Variants in PARD3B observed in about 807,000 individuals in gnomAD.
The protein encoded by PARD3B is par-3 family cell polarity regulator beta, also known as partitioning defective 3 homolog B.
Under a neutral mutation model 130.2 loss-of-function variants are expected in PARD3B, and 103 were observed. The ratio of observed to expected loss-of-function variants is 0.79; its 90% CI spans 0.67 to 0.93. PARD3B has a LOEUF of 0.93. Ranked by LOEUF, PARD3B falls within the 40% of genes least tolerant of loss-of-function variation. The pLI is 0.00. For missense variants in PARD3B, 1,609 were observed against 1,499.2 expected (o/e 1.07, Z -1.21); for synonymous variants, 583 against 553.2 (o/e 1.05, Z -0.76).
chr2:204,879,481 A>C (rs2045959935), intron 2 of PARD3B, among the ~76,000 whole-genome samples: 1 of 152,218 alleles, frequency 6.6e-6, no homozygotes, highest in Non-Finnish European at 1.5e-5. Context: ...TGTTGACACT[A>C]ATCAACTAAC....
intron 2 of PARD3B, among the ~76,000 whole-genome samples, chr2:204,752,833 A>T (rs769200763): frequency 6.6e-6 from 1 of 152,148 alleles, no homozygotes; most frequent in Non-Finnish European, 1.5e-5. Flanking sequence ...TAGTTGTAGC[A>T]TGGATTCTTT....
intron 2 of PARD3B, among the ~76,000 whole-genome samples, chr2:204,779,970 T>C (rs1351105113): frequency 1.3e-5 from 2 of 152,054 alleles, no homozygotes; most frequent in African/African-American, 4.8e-5. Context: ...ATTGAATGAA[T>C]TGGGTTGAGC....
intron 4 of PARD3B, among the ~76,000 whole-genome samples, chr2:205,055,228 C>G (rs1050518563): frequency 7.9e-5 from 12 of 152,134 alleles, no homozygotes; most frequent in African/African-American, 2.2e-4. Flanking sequence ...TTAGAAAGGT[C>G]TTGATTAGAA....
intron 2 of PARD3B, among the ~76,000 whole-genome samples, chr2:204,954,487 G>T (rs1375749658): frequency 6.6e-6 from 1 of 152,206 alleles, no homozygotes; most frequent in Non-Finnish European, 1.5e-5. Flanking sequence ...ACGTGTTCAT[G>T]CTAAAGAGTC....
At chr2:205,261,970 T>C (rs990124727) in intron 16 of PARD3B, among the ~76,000 whole-genome samples, 1 of 152,164 alleles carries the variant, frequency 6.6e-6, no homozygotes, top group Non-Finnish European at 1.5e-5. Flanking sequence ...CTTTAGGTAC[T>C]AAAACAAATC....
intron 2 of PARD3B, among the ~76,000 whole-genome samples, chr2:204,961,825 T>G (rs777962367): frequency 1.1e-4 from 16 of 152,082 alleles, no homozygotes; most frequent in Non-Finnish European, 1.6e-4. Context: ...CACCTTTGGA[T>G]TTAGGAATCT....
Position 204,825,654 on chromosome 2 carries a change from A to G in PARD3B, c.222+139372A>G, listed in dbSNP as rs560074754. 7.9e-5 allele frequency among the ~76,000 whole-genome samples: 12 copies of G among 152,330 alleles called. 1 individual carries two copies. The South Asian group carries it at 2.5e-3, about 32-fold the overall frequency. ...TCTGGCATTGGAGAGTGGCCACCAC[A>G]TGAGTCAAGCACCAAGTTAGGTGAA... On this transcript the variant is annotated intron_variant, in intron 2 of 22. Coordinates refer to ENST00000406610, the MANE Select transcript of PARD3B (RefSeq NM_001302769.2).
intron 2 of PARD3B, among the ~76,000 whole-genome samples, chr2:204,869,501 A>C (rs1466031951): frequency 6.6e-6 from 1 of 152,166 alleles, no homozygotes; most frequent in Non-Finnish European, 1.5e-5. Flanking sequence ...GTTTTGCCAA[A>C]TCTAAAATTA....
At chr2:205,133,132 A>G (rs1477066473) in intron 10 of PARD3B, among the ~76,000 whole-genome samples, 7 of 152,290 alleles carry the variant, frequency 4.6e-5, no homozygotes, top group Non-Finnish European at 1.0e-4. Context: ...GCGTGCCACA[A>G]TGAGGGTTAG....
At chr2:204,742,071 T>C (rs996572165) in intron 2 of PARD3B, among the ~76,000 whole-genome samples, 5 of 152,172 alleles carry the variant, frequency 3.3e-5, no homozygotes, top group African/African-American at 1.2e-4. Context: ...TTTAATAAGC[T>C]ATGCAGGGGA....
chr2:204,902,209 G>C (rs1455610525), intron 2 of PARD3B, among the ~76,000 whole-genome samples: 1 of 152,122 alleles, frequency 6.6e-6, no homozygotes, highest in Non-Finnish European at 1.5e-5. Context: ...TTTCTTTTAA[G>C]GAGCTGTTGG....
intron 20 of PARD3B, among the ~76,000 whole-genome samples, chr2:205,471,099 C>T (rs533059563): frequency 1.3e-5 from 2 of 152,106 alleles, no homozygotes; most frequent in East Asian, 1.9e-4. Flanking sequence ...TAAGTGGATC[C>T]ATGTTGAAGT....
chr2:204,781,901 T>C (rs898781470), intron 2 of PARD3B, among the ~76,000 whole-genome samples: 1 of 152,078 alleles, frequency 6.6e-6, no homozygotes, highest in South Asian at 2.1e-4. Context: ...ATTGTGCCAT[T>C]TCAGATCTCT....
chr2:205,255,007 C>T (rs1013038586), intron 16 of PARD3B, among the ~76,000 whole-genome samples: 3 of 152,040 alleles, frequency 2.0e-5, no homozygotes, highest in African/African-American at 7.2e-5. Context: ...CTTCCATCAC[C>T]TTGTCATGAC....
At chr2:205,392,324 T>C (rs1654560598) in intron 18 of PARD3B, among the ~76,000 whole-genome samples, 1 of 152,148 alleles carries the variant, frequency 6.6e-6, no homozygotes. Flanking sequence ...AATGAGAAAT[T>C]GCCATGACCA....
At position 204,761,624 on chromosome 2, in the gene PARD3B, G is replaced by T. The variant is rs747730430; in HGVS notation, c.222+75342G>T. Among the ~76,000 whole-genome samples the T allele has an allele frequency of 7.5e-4, 113 of 151,304 alleles. No individual in the cohort carries two copies. In the Middle Eastern group the frequency reaches 0.014, roughly 19 times the overall value. ...AAAAAAAAAAAATAGATTTTTCATGGTTTCTTTGAAATGTAATTTCTTACC... is the reference window on the plus strand; with the variant it reads ...AAAAAAAAAAAATAGATTTTTCATGTTTTCTTTGAAATGTAATTTCTTACC... On this transcript the variant is annotated intron_variant, in intron 2 of 22. Coordinates refer to ENST00000406610, the MANE Select transcript of PARD3B (RefSeq NM_001302769.2).
At chr2:205,308,229 C>A (rs1197309388) in intron 18 of PARD3B, among the ~76,000 whole-genome samples, 1 of 152,104 alleles carries the variant, frequency 6.6e-6, no homozygotes, top group Non-Finnish European at 1.5e-5. Flanking sequence ...ACACAGCAAC[C>A]AAGTCCTGCT....
At chr2:204,612,355 T>C (rs2033960682) in intron 1 of PARD3B, among the ~76,000 whole-genome samples, 1 of 152,238 alleles carries the variant, frequency 6.6e-6, no homozygotes, top group African/African-American at 2.4e-5. Flanking sequence ...AGTATAGACC[T>C]GTAGGTGGAC....
At chr2:205,346,372 C>G (rs541468498) in intron 18 of PARD3B, among the ~76,000 whole-genome samples, 92 of 151,924 alleles carry the variant, frequency 6.1e-4, no homozygotes, top group Non-Finnish European at 1.2e-3. Context: ...TCCTTGCCTC[C>G]CCACAGCTGA....
Sources: allele counts gnomAD v4.1 joint callset (sites outside exome capture counted in the v4.1 genomes callset), GRCh38; gene constraint gnomAD v4.1.1; transcripts MANE v1.5; gene names NCBI Gene and HGNC (gene_info 2026-07-23, HGNC 2026-07-21).